The following RASGEF1A variants were observed in gnomAD, a reference collection of about 807,000 sequenced individuals.
The protein encoded by RASGEF1A is RasGEF domain family member 1A.
A neutral mutation model predicts 56.4 loss-of-function variants in RASGEF1A; 18 were observed. The ratio of observed to expected loss-of-function variants is 0.32; its 90% confidence interval spans 0.22 to 0.47. RASGEF1A has a LOEUF of 0.47. Ranked by LOEUF, RASGEF1A falls within the 20% of genes least tolerant of loss-of-function variation. RASGEF1A has a pLI of 1.00. For synonymous variants in RASGEF1A, 245 were observed against 242.6 expected (o/e 1.01, Z -0.09); for missense variants, 422 against 627.1 (o/e 0.67, Z 3.49).
At chr10:43,255,967 C>G (rs1588952695) in intron 1 of RASGEF1A, among the ~76,000 whole-genome samples, 1 of 152,202 alleles carries the variant, frequency 6.6e-6, no homozygotes, top group African/African-American at 2.4e-5. Flanking sequence ...TGGTTGCCAA[C>G]AATGCTAAAG....
intron 1 of RASGEF1A, among the ~76,000 whole-genome samples, chr10:43,234,693 G>A (rs1004664588): frequency 2.0e-4 from 31 of 152,320 alleles, no homozygotes; most frequent in Non-Finnish European, 3.1e-4. Context: ...CAAGAGTTTC[G>A]GGTCCAAACC....
chr10:43,237,444 T>A (rs372817854), intron 1 of RASGEF1A, among the ~76,000 whole-genome samples: 1 of 15,880 alleles, frequency 6.3e-5, no homozygotes, highest in Non-Finnish European at 1.3e-4. Context: ...CTCCCCCTCC[T>A]CCCCTCCCCT....
At chr10:43,214,161 G>C (rs919575946) in intron 1 of RASGEF1A, among the ~76,000 whole-genome samples, 2 of 152,208 alleles carry the variant, frequency 1.3e-5, no homozygotes, top group African/African-American at 2.4e-5. Flanking sequence ...GCTCCTGAGA[G>C]CTGCAGCTAC....
chr10:43,238,163 C>T (rs937953440), intron 1 of RASGEF1A, among the ~76,000 whole-genome samples: 1 of 36,024 alleles, frequency 2.8e-5, no homozygotes, highest in African/African-American at 1.3e-4. Flanking sequence ...AGAGTAACAC[C>T]TGCCCCTCAG....
At chr10:43,208,490 C>T in intron 1 of RASGEF1A, 1 of 985,602 alleles carries the variant, frequency 1.0e-6, no homozygotes, top group Non-Finnish European at 1.2e-6. Flanking sequence ...GCCACGCCTT[C>T]GAGGGTGGGG....
At chr10:43,230,080 G>A (rs1840343875) in intron 1 of RASGEF1A, among the ~76,000 whole-genome samples, 1 of 151,574 alleles carries the variant, frequency 6.6e-6, no homozygotes, top group African/African-American at 2.4e-5. Flanking sequence ...GCCGGCGAGG[G>A]GGCGCAGCGT....
chr10:43,235,498 G>A (rs915603723), intron 1 of RASGEF1A, among the ~76,000 whole-genome samples: 2 of 152,192 alleles, frequency 1.3e-5, no homozygotes, highest in African/African-American at 4.8e-5. Context: ...TGTGGGGAAG[G>A]CAGGAATGCC....
intron 1 of RASGEF1A, among the ~76,000 whole-genome samples, chr10:43,242,583 A>C (rs1840514834): frequency 1.3e-5 from 2 of 151,392 alleles, no homozygotes; most frequent in South Asian, 4.2e-4. Flanking sequence ...CAGAGCCTGG[A>C]CTGTACTGCC....
At chr10:43,240,808 A>G (rs1840490063) in intron 1 of RASGEF1A, among the ~76,000 whole-genome samples, 1 of 152,240 alleles carries the variant, frequency 6.6e-6, no homozygotes, top group Non-Finnish European at 1.5e-5. Flanking sequence ...ATTAGAAGCA[A>G]TAATGGCTAA....
intron 1 of RASGEF1A, chr10:43,208,956 G>A (rs1415681055): frequency 1.0e-6 from 1 of 985,372 alleles, no homozygotes; most frequent in Non-Finnish European, 1.2e-6. Flanking sequence ...AAATGGTGAT[G>A]ATGACAGCAC....
At chr10:43,254,894 T>C (rs1326604358) in intron 1 of RASGEF1A, among the ~76,000 whole-genome samples, 2 of 152,162 alleles carry the variant, frequency 1.3e-5, no homozygotes, top group South Asian at 4.1e-4. Context: ...GGGTCTGACA[T>C]TGGGACCTCC....
chr10:43,259,531 A>G (rs2253527), intron 1 of RASGEF1A, among the ~76,000 whole-genome samples: 122,369 of 152,186 alleles, frequency 0.8, 49,736 homozygotes, highest in Non-Finnish European at 0.86. Context: ...GACTTCCGCT[A>G]CAACTGCACT....
At chr10:43,264,529 G>A (rs1564546681) in intron 1 of RASGEF1A, among the ~76,000 whole-genome samples, 1 of 151,726 alleles carries the variant, frequency 6.6e-6, no homozygotes, top group Non-Finnish European at 1.5e-5. Flanking sequence ...GCAGGGGAGG[G>A]CAGAGGAGCC....
intron 1 of RASGEF1A, among the ~76,000 whole-genome samples, chr10:43,239,345 A>T (rs12766298): frequency 0.21 from 31,923 of 152,204 alleles, 3,517 homozygotes; most frequent in Admixed American, 0.27. Flanking sequence ...TTAAAGAGAC[A>T]TCCCAGAAGT....
chr10:43,249,488 T>C (rs1840602775), intron 1 of RASGEF1A, among the ~76,000 whole-genome samples: 1 of 152,358 alleles, frequency 6.6e-6, no homozygotes, highest in South Asian at 2.1e-4. Context: ...AAGACAGTGC[T>C]GGTGATTTGG....
At chr10:43,225,801 G>A (rs557843251) in intron 1 of RASGEF1A, among the ~76,000 whole-genome samples, 1 of 152,202 alleles carries the variant, frequency 6.6e-6, no homozygotes, top group Non-Finnish European at 1.5e-5. Context: ...TCTGTTGTAT[G>A]TGGCCCCAGG....
chr10:43,207,091 A>C, intron 1 of RASGEF1A: 1 of 985,576 alleles, frequency 1.0e-6, no homozygotes. Context: ...GGGAGGAGCC[A>C]AGTGGGGACT....
intron 1 of RASGEF1A, among the ~76,000 whole-genome samples, chr10:43,226,436 C>CA (rs1433451764): frequency 6.6e-6 from 1 of 151,772 alleles, no homozygotes; most frequent in East Asian, 1.9e-4. Flanking sequence ...AACTCTGTCT[C>CA]AAAAAAAGAA....
intron 1 of RASGEF1A, among the ~76,000 whole-genome samples, chr10:43,249,176 T>C (rs1462817924): frequency 1.3e-5 from 2 of 152,166 alleles, no homozygotes; most frequent in African/African-American, 4.8e-5. Context: ...CAGGACGCCA[T>C]GGCTGAGAAT....
Sources: gnomAD v4.1 joint callset for allele counts (sites outside exome capture counted in the v4.1 genomes callset) on GRCh38, gnomAD v4.1.1 for gene constraint, MANE v1.5 for transcripts, NCBI Gene and HGNC (gene_info 2026-07-23, HGNC 2026-07-21) for gene names.